Variants in C1GALT1 observed in about 807,000 individuals in gnomAD.
C1GALT1 encodes the protein core 1 synthase, glycoprotein-N-acetylgalactosamine 3-beta-galactosyltransferase 1.
C1GALT1 carries 11 observed loss-of-function variants against 31.0 expected under a neutral mutation model. The ratio of observed to expected loss-of-function variants is 0.36; its 90% CI spans 0.22 to 0.59. C1GALT1 has a LOEUF of 0.59. C1GALT1 is among the 20% of genes least tolerant of loss of function. The probability of loss-of-function intolerance (pLI) is 0.79; values close to 1 mark genes in which losing one functional copy is unlikely to be tolerated. For missense variants in C1GALT1, 424 were observed against 425.2 expected (o/e 1.00, Z 0.03); for synonymous variants, 175 against 143.6 (o/e 1.22, Z -1.56).
intron 1 of C1GALT1, among the ~76,000 whole-genome samples, chr7:7,194,195 GA>G (rs1781190512): frequency 6.6e-6 from 1 of 152,022 alleles, no homozygotes; most frequent in Admixed American, 6.6e-5. Flanking sequence ...CTCTGGCTAG[GA>G]CTTCCAGTAC....
intron 1 of C1GALT1, among the ~76,000 whole-genome samples, chr7:7,223,240 C>A (rs1335153423): frequency 6.6e-6 from 1 of 152,170 alleles, no homozygotes; most frequent in Non-Finnish European, 1.5e-5. Flanking sequence ...CTCACTGCAA[C>A]CTCTGCCTCC....
chr7:7,231,291 G>A (rs190484851), intron 1 of C1GALT1, among the ~76,000 whole-genome samples: 1 of 152,028 alleles, frequency 6.6e-6, no homozygotes, highest in Non-Finnish European at 1.5e-5. Context: ...ATGTACTTAG[G>A]TAACATTTTC....
chr7:7,219,970 C>G (rs1262208568), intron 1 of C1GALT1, among the ~76,000 whole-genome samples: 1 of 151,940 alleles, frequency 6.6e-6, no homozygotes, highest in East Asian at 1.9e-4. Context: ...ATAATTTTAC[C>G]TTGTATTGAT....
rs1783889571 is a variant in C1GALT1, at chr7:7,247,412, C to T, written c.*3685C>T. On this transcript the variant is annotated 3_prime_UTR_variant, in exon 4 of 4. Coordinates refer to ENST00000436587, the MANE Select transcript of C1GALT1 (RefSeq NM_020156.5). ...TAAAGCAGATTTTTGTCCCAGTTTG[C>T]TTTCAAATATAAATTTCAGAGGGCT... 6.6e-6 allele frequency: 1 copy of T among 152,054 alleles called. No homozygotes were observed. 9.4% of individuals were successfully genotyped at this position (152,054 alleles called of 1,614,324 possible).
intron 3 of C1GALT1, among the ~76,000 whole-genome samples, chr7:7,242,210 CTTTT>C (rs79025784): frequency 9.1e-5 from 12 of 132,308 alleles, no homozygotes; most frequent in Non-Finnish European, 8.3e-5. Flanking sequence ...TGAAATTTCA[CTTTT>C]TTTTTTTTTT....
intron 2 of C1GALT1, among the ~76,000 whole-genome samples, chr7:7,164,087 C>A (rs1216689492): frequency 6.6e-6 from 1 of 152,044 alleles, no homozygotes; most frequent in Non-Finnish European, 1.5e-5. Flanking sequence ...CTACAGTGAC[C>A]AAAACAGCAT....
intron 2 of C1GALT1, among the ~76,000 whole-genome samples, chr7:7,176,988 A>C (rs957005655): frequency 6.6e-6 from 1 of 152,194 alleles, no homozygotes; most frequent in African/African-American, 2.4e-5. Context: ...AATGAGGTGC[A>C]AGAAGCTCTG....
upstream of C1GALT1, among the ~76,000 whole-genome samples, chr7:7,179,640 C>A (rs1033680251): frequency 2.6e-5 from 4 of 152,118 alleles, no homozygotes; most frequent in Admixed American, 6.5e-5. Flanking sequence ...ATACTTACAA[C>A]AGACAATAAC....
intron 1 of C1GALT1, among the ~76,000 whole-genome samples, chr7:7,194,531 A>AATC (rs146582546): frequency 0.034 from 5,186 of 152,036 alleles, 301 homozygotes; most frequent in African/African-American, 0.12. Flanking sequence ...CCCACTTGAT[A>AATC]ATGGTGTGTT....
At chr7:7,233,077 T>G (rs1180336134) in intron 1 of C1GALT1, among the ~76,000 whole-genome samples, 1 of 152,136 alleles carries the variant, frequency 6.6e-6, no homozygotes, top group Admixed American at 6.5e-5. Flanking sequence ...TTTAAGGAAT[T>G]TAATAGAAGT....
At chr7:7,217,151 GTT>G (rs1289385898) in intron 1 of C1GALT1, among the ~76,000 whole-genome samples, 5 of 152,212 alleles carry the variant, frequency 3.3e-5, no homozygotes. Context: ...AATGATAATG[GTT>G]CTGATGAGTG....
At chr7:7,230,410 T>A (rs1783014398) in intron 1 of C1GALT1, among the ~76,000 whole-genome samples, 1 of 152,110 alleles carries the variant, frequency 6.6e-6, no homozygotes, top group African/African-American at 2.4e-5. Flanking sequence ...TATTTTTCTA[T>A]TATTTTGCTT....
rs1279812023 is a variant in C1GALT1 at position 7,244,640 on chromosome 7, A to G, written c.*913A>G. On this transcript the variant is annotated 3_prime_UTR_variant, in exon 4 of 4. Coordinates refer to ENST00000436587, the MANE Select transcript of C1GALT1 (RefSeq NM_020156.5). The stretch of plus-strand genomic sequence containing the variant: ...AATTACTAAGTGACATTTTAAATTG[A>G]TATTTTAAACTCTTTCCAACTACAT... 1 of 152,186 alleles carries G rather than the reference A, an allele frequency of 6.6e-6. No individual in the cohort carries two copies. The highest frequency in any genetic ancestry group is 1.5e-5 in the Non-Finnish European group (1 of 68,008). The allele number at this position is 152,186 out of a possible 1,614,324, so 9.4% of individuals were successfully genotyped here.
At chr7:7,206,238 A>C (rs780823549) in intron 1 of C1GALT1, among the ~76,000 whole-genome samples, 45 of 152,050 alleles carry the variant, frequency 3.0e-4, no homozygotes, top group Non-Finnish European at 5.0e-4. Context: ...TGGAGTTCCA[A>C]AGTTACAATA....
chr7:7,207,932 C>A (rs1317748410), intron 1 of C1GALT1, among the ~76,000 whole-genome samples: 5 of 152,146 alleles, frequency 3.3e-5, no homozygotes, highest in African/African-American at 1.2e-4. Flanking sequence ...CCTGCTTCCA[C>A]TTTCTGAAGT....
At chr7:7,171,571 C>A (rs1360324425) in intron 2 of C1GALT1, among the ~76,000 whole-genome samples, 1 of 152,052 alleles carries the variant, frequency 6.6e-6, no homozygotes, top group African/African-American at 2.4e-5. Flanking sequence ...ATAGTTTAAT[C>A]CATTTATATC....
In C1GALT1 at chr7:7,247,245, T is replaced by C. The variant is rs979876383; in HGVS notation, c.*3518T>C. ...GAGCACATAAAACCAGATTTCATGA[T>C]GATGATGTATTCACTATCTTTTAGA... On this transcript the variant is annotated 3_prime_UTR_variant, in exon 4 of 4. Transcript: ENST00000436587. The C allele has an allele frequency of 2.0e-5, 3 of 152,180 alleles. No individual in the cohort carries two copies. The highest frequency in any genetic ancestry group is 1.3e-4 in the Admixed American group (2 of 15,278). 9.4% of individuals were successfully genotyped at this position (152,180 alleles called of 1,614,324 possible). A position where few individuals can be genotyped will look rare whatever the true frequency, so the allele number is the denominator to read the frequency against.
chr7:7,216,978 G>GAC (rs34191665), intron 1 of C1GALT1, among the ~76,000 whole-genome samples: 39 of 151,604 alleles, frequency 2.6e-4, no homozygotes, highest in Admixed American at 2.6e-4. Context: ...CTGCACATTA[G>GAC]ACACACACAC....
chr7:7,240,491 A>T (rs1783575535), intron 3 of C1GALT1, among the ~76,000 whole-genome samples: 1 of 152,128 alleles, frequency 6.6e-6, no homozygotes, highest in South Asian at 2.1e-4. Context: ...TTCCAAGATG[A>T]CTTGATCTTT....
Sources: gnomAD v4.1 joint callset for allele counts (sites outside exome capture counted in the v4.1 genomes callset) on GRCh38, gnomAD v4.1.1 for gene constraint, MANE v1.5 for transcripts, NCBI Gene and HGNC (gene_info 2026-07-23, HGNC 2026-07-21) for gene names.